INTS3: variants seen among roughly 807,000 people sequenced by gnomAD.
INTS3 encodes the protein SOSS complex subunit A.
A neutral mutation model predicts 146.3 loss-of-function variants in INTS3; 34 were observed. The observed-to-expected ratio is 0.23, with a 90% CI of 0.18 to 0.31. The LOEUF (loss-of-function observed/expected upper bound fraction) is 0.31. Ranked by LOEUF, INTS3 falls within the 10% of genes least tolerant of loss-of-function variation. The pLI is 1.00. For missense variants in INTS3, 757 were observed against 1,304.2 expected, an observed-to-expected ratio of 0.58 and a Z score of 6.46; for synonymous variants, 475 against 494.9, an observed-to-expected ratio of 0.96 and a Z score of 0.53.
rs377163131 is a variant in INTS3 at position 153,747,943 on chromosome 1, C to G, written c.517+580C>G. ...TTGCATGTGTTTGTTTAAAAGTGAC[C>G]TGCTACTACCTCACCATTAGCCCAC... On this transcript the variant is annotated intron_variant, in intron 5 of 29. Coordinates refer to ENST00000318967, the MANE Select transcript of INTS3 (RefSeq NM_023015.5). 3.2e-3 allele frequency: 509 copies of G among 159,512 alleles called. 2 individuals carry two copies. Among genetic ancestry groups the G allele is most frequent in the African/African-American group, 0.01 (427 of 41,616 alleles). The allele number at this position is 159,512 out of a possible 1,614,324, so 9.9% of individuals were successfully genotyped here. A position where few individuals can be genotyped will look rare whatever the true frequency, so the allele number is the denominator to read the frequency against.
intron 22 of INTS3, among the ~76,000 whole-genome samples, chr1:153,769,332 G>C (rs1672721981): frequency 6.6e-6 from 1 of 152,164 alleles, no homozygotes; most frequent in South Asian, 2.1e-4. Context: ...AGGTCCCCAA[G>C]AGGCTGTAGC....
rs1343746269 is a variant in INTS3, at chr1:153,773,279, A to G, written c.*9A>G. 10 of 1,612,780 alleles carry G rather than the reference A, an allele frequency of 6.2e-6. No individual in the cohort carries two copies. The highest frequency in any genetic ancestry group is 8.5e-6 in the Non-Finnish European group (10 of 1,178,958). On this transcript the variant is annotated 3_prime_UTR_variant, in exon 30 of 30. Transcript: ENST00000318967. ...GCTCTGACAGTGACTGAGGCCCTGC[A>G]TTCCCCATCCCACCCCCGGCTGGAC...
chr1:153,763,171 G>A (rs1258014777), intron 15 of INTS3, 62 bp from the exon 16 acceptor site: 6 of 1,606,400 alleles, frequency 3.7e-6, no homozygotes, highest in Non-Finnish European at 4.3e-6. Flanking sequence ...AGTCATTGAG[G>A]GGACTGTCTC....
intron 13 of INTS3, 169 bp downstream of exon 13, chr1:153,761,087 T>A: frequency 6.9e-7 from 1 of 1,438,924 alleles, no homozygotes; most frequent in South Asian, 1.5e-5. Context: ...GAGGAATTTC[T>A]CTCCTGCCAT....
chr1:153,758,262 C>T (rs1672235849), intron 10 of INTS3, among the ~76,000 whole-genome samples: 1 of 152,200 alleles, frequency 6.6e-6, no homozygotes, highest in Admixed American at 6.5e-5. Flanking sequence ...CTGGCTGCCC[C>T]CTGACCTCTT....
chr1:153,753,146 T>C (rs1311834967), intron 8 of INTS3, among the ~76,000 whole-genome samples: 1 of 152,130 alleles, frequency 6.6e-6, no homozygotes, highest in African/African-American at 2.4e-5. Flanking sequence ...TACTCTTATA[T>C]TGAACATCTA....
intron 9 of INTS3, 66 bp downstream of exon 9, chr1:153,754,805 G>A (rs927063267): frequency 2.7e-5 from 28 of 1,029,308 alleles, no homozygotes; most frequent in Middle Eastern, 4.1e-4. Flanking sequence ...TTCGGTCTGT[G>A]GAGCTGTTAC....
intron 3 of INTS3, among the ~76,000 whole-genome samples, chr1:153,746,671 G>C (rs1220588926): frequency 1.3e-5 from 2 of 152,122 alleles, no homozygotes; most frequent in African/African-American, 4.8e-5. Flanking sequence ...AAAGTGCTGG[G>C]ATTACAGGCG....
At chr1:153,771,674 G>A (rs539764718) in intron 25 of INTS3, 122 bp from the exon 26 acceptor site, 2 of 901,690 alleles carry the variant, frequency 2.2e-6, no homozygotes, top group African/African-American at 1.7e-5. Flanking sequence ...AGGAGAAGAG[G>A]GAGAGGGATG....
At chr1:153,731,577 C>CTTTTTTTTTTTTTTT (rs1491428244) in intron 1 of INTS3, among the ~76,000 whole-genome samples, 2 of 129,230 alleles carry the variant, frequency 1.5e-5, no homozygotes, top group African/African-American at 2.8e-5. Context: ...CAAGAGCGTC[C>CTTTTTTTTTTTTTTT]TCTTTTTTTT....
chr1:153,748,784 A>T, intron 6 of INTS3, 29 bp downstream of exon 6: 13 of 1,573,024 alleles, frequency 8.3e-6, no homozygotes, highest in Non-Finnish European at 1.1e-5. Flanking sequence ...GGTGGGGTAC[A>T]GGCCAGATAA....
intron 6 of INTS3, among the ~76,000 whole-genome samples, chr1:153,750,412 A>G (rs1570855154): frequency 1.3e-5 from 2 of 152,212 alleles, no homozygotes; most frequent in South Asian, 4.1e-4. Flanking sequence ...TCTGAAACTC[A>G]TGGGAAAAGG....
intron 25 of INTS3, 41 bp from the exon 26 acceptor site, chr1:153,771,755 C>G (rs1558011704): frequency 6.3e-7 from 1 of 1,576,350 alleles, no homozygotes. Flanking sequence ...TGCCCTGCGG[C>G]CACTGTGCAA....
rs915084371 is a variant in INTS3, at chr1:153,766,287, A to C, written c.2090+1224A>C. Among the ~76,000 whole-genome samples the C allele has an allele frequency of 6.0e-5, 9 of 150,406 alleles. No individual in the cohort carries two copies. The South Asian group carries it at 1.1e-3, about 18-fold the overall frequency. On this transcript the variant is annotated intron_variant, in intron 20 of 29. Coordinates refer to ENST00000318967, the MANE Select transcript of INTS3 (RefSeq NM_023015.5). Reference sequence around the variant, plus strand: ...CAGGCACAGATCTTCACGCCCAGCTAATTTTTGTTTTGTTTATTTGTTTGT... The same window carrying C: ...CAGGCACAGATCTTCACGCCCAGCTCATTTTTGTTTTGTTTATTTGTTTGT...
At position 153,774,510 on chromosome 1, in the gene INTS3, T is replaced by G. The variant is rs1204388693; in HGVS notation, c.*1240T>G. 1 of 152,460 alleles carries G rather than the reference T, an allele frequency of 6.6e-6. No homozygotes were observed. 9.4% of individuals were successfully genotyped at this position (152,460 alleles called of 1,614,324 possible). ...CAGGGAGGGACAGAGATGCTCTTCC[T>G]TCCACAGTGTGGCCACTTGCTGGGC... is the stretch of plus-strand genomic sequence containing the variant. On this transcript the variant is annotated 3_prime_UTR_variant, in exon 30 of 30. Coordinates refer to ENST00000318967, the MANE Select transcript of INTS3 (RefSeq NM_023015.5).
chr1:153,741,185 G>A, intron 2 of INTS3, 100 bp from the exon 3 acceptor site: 1 of 825,340 alleles, frequency 1.2e-6, no homozygotes, highest in Non-Finnish European at 2.1e-6. Context: ...ATTCTCCTTT[G>A]CATCTTCCTT....
intron 6 of INTS3, among the ~76,000 whole-genome samples, chr1:153,749,018 C>A (rs1671858865): frequency 6.6e-6 from 1 of 152,076 alleles, no homozygotes; most frequent in African/African-American, 2.4e-5. Flanking sequence ...TATTTTTGAT[C>A]CAGACCTCCT....
Position 153,761,025 on chromosome 1 carries a change from A to G in INTS3, c.1409+107A>G, listed in dbSNP as rs535720223. ...CTGGCCCTTTTCTCTGACAGGTGTA[A>G]AAAGTATTGGCTCTACCTCAGACTG... On this transcript the variant is annotated intron_variant, in intron 13 of 29. Transcript: ENST00000318967. The G allele has an allele frequency of 1.3e-3, 1,955 of 1,541,056 alleles. 3 individuals are homozygous for G. Among genetic ancestry groups the G allele is most frequent in the Non-Finnish European group, 1.6e-3 (1,788 of 1,139,416 alleles).
chr1:153,752,331 T>A lies in INTS3; in HGVS notation c.782T>A (p.Val261Asp). 6.2e-7 allele frequency: 1 copy of A among 1,613,628 alleles called. No homozygotes were observed. The highest frequency in any genetic ancestry group is 8.5e-7 in the Non-Finnish European group (1 of 1,179,594). Residue 261 changes from valine to aspartate, a missense_variant, in exon 8 of 30, where the codon GTT (valine) becomes GAT (aspartate). Around this residue, in one of 8 missense-constraint regions of INTS3, gnomAD observed 134 missense variants for 243.1 expected, o/e 0.55. Coordinates refer to ENST00000318967, the MANE Select transcript of INTS3 (RefSeq NM_023015.5). ...GRDLVRLLQN[V>D]ARIPEFELLW... ...GATCTCGTAAGACTACTTCAGAATGTTGCTAGGATACCAGAATTTGAACTG... is the reference window on the plus strand; with the variant it reads ...GATCTCGTAAGACTACTTCAGAATGATGCTAGGATACCAGAATTTGAACTG...
Sources: gnomAD v4.1 joint callset for allele counts (sites outside exome capture counted in the v4.1 genomes callset) on GRCh38, gnomAD v4.1.1 for gene constraint, gnomAD v4.1.1 regional missense constraint, MANE v1.5 for transcripts, NCBI Gene and HGNC (gene_info 2026-07-23, HGNC 2026-07-21) for gene names.